ZSCAN25: variants seen among roughly 807,000 people sequenced by gnomAD.
The protein encoded by ZSCAN25 is zinc finger and SCAN domain-containing protein 25.
Under a neutral mutation model 38.7 loss-of-function variants are expected in ZSCAN25, and 27 were observed. The ratio of observed to expected loss-of-function variants is 0.70; its 90% confidence interval spans 0.51 to 0.96. The LOEUF (loss-of-function observed/expected upper bound fraction) is 0.96. Among genes scored for constraint, ZSCAN25 ranks in the 40% least tolerant of loss-of-function variants. The pLI is 0.00. For missense variants in ZSCAN25, 637 were observed against 705.9 expected (o/e 0.90, Z 1.11); for synonymous variants, 273 against 277.7 (o/e 0.98, Z 0.17).
the ZSCAN25 span, chr7:99,665,437 T>C: frequency 1.5e-6 from 2 of 1,350,726 alleles, no homozygotes; most frequent in Non-Finnish European, 1.0e-6. Flanking sequence ...TTCAGAACTA[T>C]CTGCTGAATC....
the ZSCAN25 span, among the ~76,000 whole-genome samples, chr7:99,724,415 A>G: frequency 1.3e-5 from 2 of 152,142 alleles, no homozygotes; most frequent in Admixed American, 1.3e-4. Flanking sequence ...ATTCTTTTAT[A>G]CATCAGTCTC....
chr7:99,645,530 C>G, the ZSCAN25 span, among the ~76,000 whole-genome samples: 1 of 152,114 alleles, frequency 6.6e-6, no homozygotes, highest in Non-Finnish European at 1.5e-5. Context: ...GGAATTGCCA[C>G]ACTATTTTCC....
chr7:99,715,791 A>G, the ZSCAN25 span: 3 of 1,613,870 alleles, frequency 1.9e-6, no homozygotes, highest in Non-Finnish European at 1.7e-6. Flanking sequence ...AATGGATTAA[A>G]TCTTAAAAGC....
chr7:99,642,673 A>G, the ZSCAN25 span, among the ~76,000 whole-genome samples: 2 of 152,230 alleles, frequency 1.3e-5, no homozygotes, highest in East Asian at 1.9e-4. Context: ...ATCAGTCTCT[A>G]TTTTCTTACG....
Position 99,631,766 on chromosome 7 carries a change from C to G in ZSCAN25, c.*1746C>G. The G allele has an allele frequency of 1.0e-6, 1 of 985,386 alleles. No homozygotes were observed. Among genetic ancestry groups the G allele is most frequent in the Non-Finnish European group, 1.2e-6 (1 of 829,940 alleles). The allele number at this position is 985,386 out of a possible 1,614,324, so 61.0% of individuals were successfully genotyped here. A position where few individuals can be genotyped will look rare whatever the true frequency, so the allele number is the denominator to read the frequency against. ...AATTTTGGCTTAGCAAATGACGCTC[C>G]TTGGTCTTCCTGGCTCATTAGCTGT... On this transcript the variant is annotated 3_prime_UTR_variant, in exon 8 of 8. Transcript: ENST00000394152.
chr7:99,711,491 G>T, the ZSCAN25 span, among the ~76,000 whole-genome samples: 2 of 152,174 alleles, frequency 1.3e-5, no homozygotes, highest in African/African-American at 4.8e-5. Flanking sequence ...TGCAAAGGCT[G>T]GGCATGGTGG....
chr7:99,703,612 T>G, the ZSCAN25 span, among the ~76,000 whole-genome samples: 7 of 152,260 alleles, frequency 4.6e-5, no homozygotes, highest in Admixed American at 2.0e-4. Flanking sequence ...CAATCTAATT[T>G]CATAGGATTC....
In ZSCAN25 at chr7:99,631,491, T is replaced by C. The variant is rs1374141009; in HGVS notation, c.*1471T>C. ...TGCATAACTAGCGTGGACTGACTGCTGTGTCATTGTGCTGTGCCTTTGAAC... is the reference window on the plus strand; with the variant it reads ...TGCATAACTAGCGTGGACTGACTGCCGTGTCATTGTGCTGTGCCTTTGAAC... On this transcript the variant is annotated 3_prime_UTR_variant, in exon 8 of 8. Coordinates refer to ENST00000394152, the MANE Select transcript of ZSCAN25 (RefSeq NM_145115.3). 8.1e-6 allele frequency: 8 copies of C among 985,474 alleles called. No homozygotes were observed. The South Asian group carries it at 2.8e-4, about 35-fold the overall frequency. The allele number at this position is 985,474 out of a possible 1,614,324, so 61.0% of individuals were successfully genotyped here.
Position 99,629,710 on chromosome 7 carries a change from G to A in ZSCAN25, c.1325G>A (p.Arg442His), listed in dbSNP as rs1381616757. 11 of 1,613,820 alleles carry A rather than the reference G, an allele frequency of 6.8e-6. No individual in the cohort carries two copies. The highest frequency in any genetic ancestry group is 1.1e-5 in the South Asian group (1 of 91,060). ...GGGGACTGCTGGAAGAGCTTCAGCCGCAGGCAGCACCTGCAGGTGCACCGG... is the reference window on the plus strand; with the variant it reads ...GGGGACTGCTGGAAGAGCTTCAGCCACAGGCAGCACCTGCAGGTGCACCGG... ...KCGDCWKSFS[R>H]RQHLQVHRRT... The change falls in exon 8 of 8, where the codon CGC (arginine) becomes CAC (histidine). Residue 442 changes from arginine (R) to histidine (H), a missense_variant. Physicochemically the swap from Arg to His is conservative, Grantham distance 29. Transcript: ENST00000394152. This position sits in a 1 kb window ranked among gnomAD's most constrained non-coding sequence, Gnocchi z 5.6.
the ZSCAN25 span, among the ~76,000 whole-genome samples, chr7:99,701,111 C>T: frequency 6.6e-6 from 1 of 152,176 alleles, no homozygotes; most frequent in East Asian, 1.9e-4. Context: ...TGGCTGTGCT[C>T]CCTGTACTTA....
the ZSCAN25 span, chr7:99,648,488 A>G: frequency 1.4e-6 from 1 of 717,138 alleles, no homozygotes; most frequent in Non-Finnish European, 2.2e-6. Flanking sequence ...TATGACAAAA[A>G]TGCTTTGCAA....
At chr7:99,627,278 T>G (rs1200332876) in intron 7 of ZSCAN25, among the ~76,000 whole-genome samples, 1 of 152,230 alleles carries the variant, frequency 6.6e-6, no homozygotes, top group East Asian at 1.9e-4. Flanking sequence ...TCGATATATG[T>G]AACATCTAGT....
At chr7:99,636,879 G>A (rs147421353), downstream of ZSCAN25, among the ~76,000 whole-genome samples, 1 of 152,336 alleles carries the variant, frequency 6.6e-6, no homozygotes, top group Non-Finnish European at 1.5e-5. Flanking sequence ...ATTGTAATCT[G>A]TAGGTTCTTT....
chr7:99,705,238 G>A, the ZSCAN25 span: 2 of 383,578 alleles, frequency 5.2e-6, no homozygotes, highest in South Asian at 2.9e-5. Flanking sequence ...AACTGGGGGT[G>A]GTGGAGATAG....
At chr7:99,710,803 A>G in the ZSCAN25 span, 6 of 1,613,822 alleles carry the variant, frequency 3.7e-6, no homozygotes, top group East Asian at 1.3e-4. Context: ...GCCAGTTCAT[A>G]TATAATGAAG....
chr7:99,673,603 A>C, the ZSCAN25 span, among the ~76,000 whole-genome samples: 1 of 152,254 alleles, frequency 6.6e-6, no homozygotes, highest in Admixed American at 6.5e-5. Flanking sequence ...AGTGGAGCAT[A>C]AGTGGTTTCC....
chr7:99,626,898 A>G (rs1807516606), intron 7 of ZSCAN25, among the ~76,000 whole-genome samples: 1 of 152,254 alleles, frequency 6.6e-6, no homozygotes, highest in African/African-American at 2.4e-5. Context: ...TGCAGCACTC[A>G]AAACGGGTTT....
At chr7:99,660,852 A>T in the ZSCAN25 span, among the ~76,000 whole-genome samples, 1 of 152,296 alleles carries the variant, frequency 6.6e-6, no homozygotes, top group East Asian at 1.9e-4. Flanking sequence ...ATTTTAATCC[A>T]GGTTTTCCCA....
the ZSCAN25 span, chr7:99,720,270 A>G: frequency 6.2e-7 from 1 of 1,607,552 alleles, no homozygotes; most frequent in Non-Finnish European, 8.5e-7. Context: ...ATAAAAATTT[A>G]ATCAATCAAT....
Sources: allele counts gnomAD v4.1 joint callset (sites outside exome capture counted in the v4.1 genomes callset), GRCh38; gene constraint gnomAD v4.1.1; non-coding constraint Gnocchi (gnomAD v3.1); transcripts MANE v1.5; gene names NCBI Gene and HGNC (gene_info 2026-07-23, HGNC 2026-07-21).